Variants in PSPH observed in about 807,000 individuals in gnomAD.
PSPH encodes the protein phosphoserine phosphatase.
In PSPH, 16 loss-of-function variants were observed where a neutral mutation model predicts 23.4. The observed-to-expected ratio is 0.68, with a 90% CI of 0.46 to 1.04. The LOEUF (loss-of-function observed/expected upper bound fraction) is 1.04. Among genes scored for constraint, PSPH ranks in the 50% least tolerant of loss-of-function variants. The pLI, the probability that PSPH is intolerant of heterozygous loss-of-function variation, is 0.00. For synonymous variants in PSPH, 68 were observed against 99.7 expected, an observed-to-expected ratio of 0.68 and a Z score of 1.89; for missense variants, 223 against 273.7, an observed-to-expected ratio of 0.81 and a Z score of 1.31.
chr7:56,038,116 G>A (rs547900689), intron 1 of PSPH, among the ~76,000 whole-genome samples: 7 of 151,424 alleles, frequency 4.6e-5, no homozygotes, highest in Admixed American at 6.6e-5. Flanking sequence ...CAAGCCCTCC[G>A]GAAAACAATA....
intron 1 of PSPH, among the ~76,000 whole-genome samples, chr7:56,047,494 A>G (rs1376102388): frequency 6.6e-6 from 1 of 152,150 alleles, no homozygotes; most frequent in Non-Finnish European, 1.5e-5. Context: ...AATGCTTATT[A>G]AATACAAAGA....
intron 5 of PSPH, 96 bp downstream of exon 5, chr7:56,019,504 C>A (rs1789020369): frequency 2.2e-5 from 32 of 1,485,502 alleles, no homozygotes; most frequent in Non-Finnish European, 2.7e-5. Context: ...AATAAACCAC[C>A]CAGAGGGCAC....
At chr7:56,040,118 C>T (rs1485707316) in intron 1 of PSPH, among the ~76,000 whole-genome samples, 1 of 151,438 alleles carries the variant, frequency 6.6e-6, no homozygotes, top group African/African-American at 2.4e-5. Flanking sequence ...AATACCAATA[C>T]ATTAAAATAA....
At chr7:56,041,641 G>A (rs1020639632) in intron 1 of PSPH, among the ~76,000 whole-genome samples, 2 of 152,014 alleles carry the variant, frequency 1.3e-5, no homozygotes, top group African/African-American at 2.4e-5. Flanking sequence ...ACGTGTGAGT[G>A]CGCCGGGCAC....
chr7:56,011,585 C>T lies in PSPH; in HGVS notation c.*177G>A, dbSNP rs1478431557. 3.8e-6 allele frequency: 2 copies of T among 521,198 alleles called. No homozygotes were observed. The highest frequency in any genetic ancestry group is 6.8e-6 in the Non-Finnish European group (2 of 293,928). 32.3% of individuals were successfully genotyped at this position (521,198 alleles called of 1,614,324 possible). A position where few individuals can be genotyped will look rare whatever the true frequency, so the allele number is the denominator to read the frequency against. ...TAGTCATCATATAATACTGGAACTA[C>T]AGTTAAAAAAAAAAAAAAAGCAATC... On this transcript the variant is annotated 3_prime_UTR_variant, in exon 8 of 8. Transcript: ENST00000275605.
At chr7:56,028,397 T>C (rs1250665726) in intron 3 of PSPH, among the ~76,000 whole-genome samples, 1 of 151,958 alleles carries the variant, frequency 6.6e-6, no homozygotes, top group East Asian at 1.9e-4. Context: ...GCTAAGTTAC[T>C]ATTATTATTA....
chr7:56,012,969 C>G (rs767012326), intron 7 of PSPH, among the ~76,000 whole-genome samples: 14 of 108,588 alleles, frequency 1.3e-4, no homozygotes, highest in African/African-American at 4.3e-4. Flanking sequence ...GAAATGGACA[C>G]ATTTGATATT....
At chr7:56,024,290 T>C (rs7811755) in intron 3 of PSPH, among the ~76,000 whole-genome samples, 106,906 of 151,370 alleles carry the variant, frequency 0.71, 38,136 homozygotes, top group Non-Finnish European at 0.76. Context: ...TAGCTCACTG[T>C]AGCCTCAAAC....
chr7:56,016,623 T>C lies in PSPH; in HGVS notation c.421+611A>G, dbSNP rs191024678. Among the ~76,000 whole-genome samples, 1,378 of 152,042 alleles carry C rather than the reference T, an allele frequency of 9.1e-3. 18 individuals carry two copies. Among genetic ancestry groups the C allele is most frequent in the African/African-American group, 0.032 (1,319 of 41,512 alleles). ...CTCGCTCTGTCACCCAGGCTGGAAG[T>C]GCAGTGGCGAGATCTCAGCTCACTG... On this transcript the variant is annotated intron_variant, in intron 6 of 7. Coordinates refer to ENST00000275605, the MANE Select transcript of PSPH (RefSeq NM_004577.4).
intron 1 of PSPH, among the ~76,000 whole-genome samples, chr7:56,049,576 T>C (rs1793721644): frequency 6.6e-6 from 1 of 151,348 alleles, no homozygotes; most frequent in African/African-American, 2.4e-5. Flanking sequence ...GGAACTGGGA[T>C]TACAGGCAGC....
intron 6 of PSPH, among the ~76,000 whole-genome samples, chr7:56,016,632 G>A (rs1310637065): frequency 6.6e-6 from 1 of 151,716 alleles, no homozygotes; most frequent in African/African-American, 2.4e-5. Context: ...GTGCAGTGGC[G>A]AGATCTCAGC....
At chr7:56,015,311 C>T in intron 6 of PSPH, 140 bp from the exon 7 acceptor site, 1 of 831,980 alleles carries the variant, frequency 1.2e-6, no homozygotes, top group South Asian at 1.5e-5. Flanking sequence ...CAGCCTGGAG[C>T]TCCACACCTG....
intron 1 of PSPH, among the ~76,000 whole-genome samples, chr7:56,034,763 G>A (rs1275832038): frequency 6.6e-6 from 1 of 152,114 alleles, no homozygotes; most frequent in African/African-American, 2.4e-5. Flanking sequence ...TGATCCGCCC[G>A]CCTTGGCCTC....
chr7:56,020,825 G>A lies in PSPH; in HGVS notation c.140+248C>T, dbSNP rs548328963. 1.9e-4 allele frequency among the ~76,000 whole-genome samples: 29 copies of A among 151,996 alleles called. No individual in the cohort carries two copies. The South Asian group carries it at 2.5e-3, about 13-fold the overall frequency. ...CAAAGCCACTGGACACTTGGACCTCGCCCCCCAGGCCATCTTCTTTAGTTA... is the reference window on the plus strand; with the variant it reads ...CAAAGCCACTGGACACTTGGACCTCACCCCCCAGGCCATCTTCTTTAGTTA... On this transcript the variant is annotated intron_variant, in intron 4 of 7. Transcript: ENST00000275605.
At chr7:56,027,947 T>C (rs6962857) in intron 3 of PSPH, among the ~76,000 whole-genome samples, 42,313 of 139,354 alleles carry the variant, frequency 0.3, 6,236 homozygotes, top group East Asian at 0.44. Context: ...TGGTCCCAGA[T>C]AGTCAAGAGC....
Position 56,015,141 on chromosome 7 carries a change from G to C in PSPH, c.452C>G (p.Pro151Arg), listed in dbSNP as rs755068731. The change falls in exon 7 of 8, where the codon CCA becomes CGA. Residue 151 changes from proline to arginine, a missense_variant. Coordinates refer to ENST00000275605, the MANE Select transcript of PSPH (RefSeq NM_004577.4). ...GEYAGFDETQ[P>R]TAESGGKGKV... is the part of the protein sequence containing the mutation. ...TCCTTTTCCACCAGATTCAGCTGTT[G>C]GCTGCGTCTCATCAAAACCTGCATA... The C allele has an allele frequency of 1.2e-6, 2 of 1,613,912 alleles. No individual in the cohort carries two copies. The highest frequency in any genetic ancestry group is 2.2e-5 in the South Asian group (2 of 91,058).
At chr7:56,015,662 A>C (rs778225939) in intron 6 of PSPH, among the ~76,000 whole-genome samples, 1 of 151,914 alleles carries the variant, frequency 6.6e-6, no homozygotes, top group Non-Finnish European at 1.5e-5. Context: ...TTAATTAATT[A>C]ATTAATTTAT....
intron 3 of PSPH, among the ~76,000 whole-genome samples, chr7:56,031,655 A>G (rs1313646897): frequency 6.6e-6 from 1 of 152,090 alleles, no homozygotes; most frequent in Admixed American, 6.6e-5. Flanking sequence ...TCTACTAAAC[A>G]TACGAAAATT....
At chr7:56,031,350 G>A (rs911858910) in intron 3 of PSPH, among the ~76,000 whole-genome samples, 1 of 152,136 alleles carries the variant, frequency 6.6e-6, no homozygotes, top group African/African-American at 2.4e-5. Flanking sequence ...GGGATCAATT[G>A]TACCCCAAAC....
Sources: allele counts gnomAD v4.1 joint callset (sites outside exome capture counted in the v4.1 genomes callset), GRCh38; gene constraint gnomAD v4.1.1; transcripts MANE v1.5; gene names NCBI Gene and HGNC (gene_info 2026-07-23, HGNC 2026-07-21).